Variants in TBC1D8 observed in about 807,000 individuals in gnomAD.
TBC1D8 encodes BUB2-like protein 1.
In TBC1D8, 65 loss-of-function variants were observed where a neutral mutation model predicts 118.8. The ratio of observed to expected loss-of-function variants is 0.55; its 90% CI spans 0.45 to 0.67. TBC1D8 has a LOEUF of 0.67. Among genes scored for constraint, TBC1D8 ranks in the 30% least tolerant of loss-of-function variants. The pLI is 0.00. For synonymous variants in TBC1D8, 566 were observed against 595.8 expected, an observed-to-expected ratio of 0.95 and a Z score of 0.73; for missense variants, 1,376 against 1,471.2, an observed-to-expected ratio of 0.94 and a Z score of 1.06.
intron 3 of TBC1D8, among the ~76,000 whole-genome samples, chr2:101,056,603 T>C (rs1682449040): frequency 6.6e-6 from 1 of 152,226 alleles, no homozygotes; most frequent in Non-Finnish European, 1.5e-5. Context: ...CAAGACATTA[T>C]ACATTAATGA....
At chr2:101,076,951 G>A (rs1168812610) in intron 2 of TBC1D8, among the ~76,000 whole-genome samples, 1 of 152,184 alleles carries the variant, frequency 6.6e-6, no homozygotes, top group Non-Finnish European at 1.5e-5. Flanking sequence ...AATCATGCTG[G>A]AAGGCAAAGG....
chr2:101,130,260 C>A (rs13386872), intron 1 of TBC1D8, among the ~76,000 whole-genome samples: 2 of 152,120 alleles, frequency 1.3e-5, no homozygotes, highest in Non-Finnish European at 2.9e-5. Flanking sequence ...CCGAGGAGGC[C>A]TGGAAGCGTC....
chr2:101,057,137 A>C (rs116570814), intron 3 of TBC1D8, among the ~76,000 whole-genome samples: 1,546 of 152,322 alleles, frequency 0.01, 39 homozygotes, highest in African/African-American at 0.036. Context: ...CTGAGAAACC[A>C]CAAACACCAA....
rs573715381 is a variant in TBC1D8 at position 101,108,618 on chromosome 2, G to C, written c.128-18254C>G. On this transcript the variant is annotated intron_variant, in intron 1 of 19. Coordinates refer to ENST00000409318, the MANE Select transcript of TBC1D8 (RefSeq NM_001330348.2). ...GCCCCTTGCTCCATCTCCAAGACCA[G>C]CAACATCAGGCCAAGTTCTTCCCAC... is the stretch of plus-strand genomic sequence containing the variant. Among the ~76,000 whole-genome samples, 3 of 152,128 alleles carry C rather than the reference G, an allele frequency of 2.0e-5. No individual in the cohort carries two copies. The South Asian group carries it at 6.2e-4, about 32-fold the overall frequency.
At chr2:101,113,285 C>T (rs914645012) in intron 1 of TBC1D8, among the ~76,000 whole-genome samples, 1 of 152,078 alleles carries the variant, frequency 6.6e-6, no homozygotes, top group African/African-American at 2.4e-5. Flanking sequence ...GCTCATCTTG[C>T]CACTCAGCAA....
rs533278605 is a variant in TBC1D8, at chr2:101,015,462, CTT to C, written c.2828-3924_2828-3923del. On this transcript the variant is annotated intron_variant, in intron 17 of 19. Coordinates refer to ENST00000409318, the MANE Select transcript of TBC1D8 (RefSeq NM_001330348.2). ...ATAAATTAACCTCAGCTTACTGTAACTTTTTACTTTATAAACTTTTTGACTCT... is the reference window on the plus strand; with the variant it reads ...ATAAATTAACCTCAGCTTACTGTAACTTTACTTTATAAACTTTTTGACTCT... Among the ~76,000 whole-genome samples the C allele has an allele frequency of 9.8e-5, 15 of 152,304 alleles. No individual in the cohort carries two copies. The East Asian group carries it at 2.7e-3, about 27-fold the overall frequency.
rs1243805444 is a variant in TBC1D8, at chr2:101,059,516, G to A, written c.307C>T (p.Gln103Ter). The A allele has an allele frequency of 3.1e-6, 5 of 1,613,120 alleles. No individual in the cohort carries two copies. Among genetic ancestry groups the A allele is most frequent in the Non-Finnish European group, 4.2e-6 (5 of 1,179,498 alleles). Residue 103 changes from glutamine to a stop codon, truncating the protein, a stop_gained, in exon 3 of 20, where the codon CAG (glutamine) becomes TAG (stop). Transcript: ENST00000409318. LOFTEE classifies it high-confidence loss of function. ...ATGATLEEINQHWDWLEQNLL... is the reference protein window; with the variant it reads ...ATGATLEEIN ...TTTTGTTCCAGCCAGTCCCAGTGCT[G>A]ATTGATTTCCTCTAATGTTGCACCT... is the stretch of plus-strand genomic sequence containing the variant.
chr2:101,140,500 G>C (rs968020712), intron 1 of TBC1D8, among the ~76,000 whole-genome samples: 1 of 152,022 alleles, frequency 6.6e-6, no homozygotes, highest in Non-Finnish European at 1.5e-5. Context: ...ATGACTTCCT[G>C]ATCGCCACTA....
intron 1 of TBC1D8, among the ~76,000 whole-genome samples, chr2:101,106,154 C>T (rs914577913): frequency 6.6e-6 from 1 of 151,896 alleles, no homozygotes; most frequent in Non-Finnish European, 1.5e-5. Context: ...CCAATTATTC[C>T]AGAAAAAGGA....
chr2:101,013,423 T>C (rs1372057622), intron 17 of TBC1D8, among the ~76,000 whole-genome samples: 6 of 152,230 alleles, frequency 3.9e-5, no homozygotes, highest in Non-Finnish European at 2.9e-5. Flanking sequence ...TATATATATG[T>C]AGCCTGTAAT....
intron 5 of TBC1D8, among the ~76,000 whole-genome samples, chr2:101,045,151 T>C (rs1049682141): frequency 6.6e-6 from 1 of 152,176 alleles, no homozygotes; most frequent in Non-Finnish European, 1.5e-5. Flanking sequence ...CTTAAATTAA[T>C]ATGTGCAATA....
At chr2:101,122,383 C>CAAAAAAAAAAAAAAAAAAAAAAAAAAAA (rs70943064) in intron 1 of TBC1D8, among the ~76,000 whole-genome samples, 3 of 71,940 alleles carry the variant, frequency 4.2e-5, no homozygotes, top group Non-Finnish European at 5.6e-5. Context: ...GACTCCATTT[C>CAAAAAAAAAAAAAAAAAAAAAAAAAAAA]AAAAAAAAAA....
chr2:101,104,842 C>T (rs991665624), intron 1 of TBC1D8, among the ~76,000 whole-genome samples: 3 of 151,932 alleles, frequency 2.0e-5, no homozygotes, highest in African/African-American at 4.8e-5. Context: ...ATGATAAAAC[C>T]GTCTCTACTA....
chr2:101,051,211 A>G (rs1682052127), intron 4 of TBC1D8, among the ~76,000 whole-genome samples: 1 of 152,216 alleles, frequency 6.6e-6, no homozygotes, highest in Non-Finnish European at 1.5e-5. Flanking sequence ...TAGTGCTGCA[A>G]TGAACATACG....
chr2:101,090,871 C>G (rs1457101350), intron 1 of TBC1D8, among the ~76,000 whole-genome samples: 1 of 152,238 alleles, frequency 6.6e-6, no homozygotes, highest in Non-Finnish European at 1.5e-5. Flanking sequence ...AGTGCTTAAA[C>G]TATTGCAAGC....
At chr2:101,098,802 C>A (rs749656142) in intron 1 of TBC1D8, among the ~76,000 whole-genome samples, 42 of 152,018 alleles carry the variant, frequency 2.8e-4, no homozygotes, top group Non-Finnish European at 4.3e-4. Context: ...AAATCAAGTT[C>A]TTTGAAACCA....
chr2:101,008,314 T>TGGAA (rs1193406429), intron 19 of TBC1D8, 41 bp from the exon 20 acceptor site: 1 of 1,451,132 alleles, frequency 6.9e-7, no homozygotes, highest in Non-Finnish European at 9.1e-7. Context: ...AGAACCAGGG[T>TGGAA]GGAAGTGTCA....
At chr2:101,027,944 A>G (rs1431237783) in intron 14 of TBC1D8, 104 bp downstream of exon 14, 2 of 971,986 alleles carry the variant, frequency 2.1e-6, no homozygotes, top group Non-Finnish European at 3.2e-6. Flanking sequence ...CAAAATATAT[A>G]TATACATTTT....
In TBC1D8 at chr2:101,036,110, G is replaced by A; in HGVS notation, c.1511C>T (p.Thr504Ile). 6.2e-7 allele frequency: 1 copy of A among 1,613,958 alleles called. No homozygotes were observed. Among genetic ancestry groups the A allele is most frequent in the Non-Finnish European group, 8.5e-7 (1 of 1,179,892 alleles). Residue 504 changes from threonine to isoleucine, a missense_variant, in exon 9 of 20, where the codon ACC becomes ATC. By Grantham distance (89) the Thr-to-Ile change is moderately conservative (BLOSUM62 -1). Transcript: ENST00000409318. ...WNDHFVEYGR[T>I]VCMFRTEKIR... ...CTTCTCTGTGCGAAACATACACACG[G>A]TTCTGCCGTATTCCACAAAGTGGTC...
Sources: allele counts gnomAD v4.1 joint callset (sites outside exome capture counted in the v4.1 genomes callset), GRCh38; gene constraint gnomAD v4.1.1; transcripts MANE v1.5; gene names NCBI Gene and HGNC (gene_info 2026-07-23, HGNC 2026-07-21).